CNTNAP2: variants seen among roughly 807,000 people sequenced by gnomAD.
CNTNAP2 encodes the protein contactin associated protein 2, also known as contactin-associated protein-like 2.
In CNTNAP2, 98 loss-of-function variants were observed where a neutral mutation model predicts 155.2. The observed-to-expected ratio is 0.63, with a 90% CI of 0.54 to 0.75. The LOEUF (loss-of-function observed/expected upper bound fraction) is 0.75. Among genes scored for constraint, CNTNAP2 ranks in the 30% least tolerant of loss-of-function variants. CNTNAP2 has a pLI of 0.00. For missense variants in CNTNAP2, 1,727 were observed against 1,688.1 expected (o/e 1.02, Z -0.40); for synonymous variants, 651 against 631.2 (o/e 1.03, Z -0.47).
At chr7:146,331,838 G>C (rs554076127) in intron 1 of CNTNAP2, among the ~76,000 whole-genome samples, 1 of 152,280 alleles carries the variant, frequency 6.6e-6, no homozygotes, top group Admixed American at 6.5e-5. Context: ...TAATGTTAAT[G>C]CAGTAGAATA....
At chr7:146,834,019 A>AT (rs1423969425) in intron 2 of CNTNAP2, among the ~76,000 whole-genome samples, 9 of 151,946 alleles carry the variant, frequency 5.9e-5, no homozygotes, top group African/African-American at 1.9e-4. Context: ...TTTTCAATTT[A>AT]TTTTTTTCAG....
intron 17 of CNTNAP2, among the ~76,000 whole-genome samples, chr7:148,161,740 C>T (rs1350867866): frequency 6.6e-6 from 1 of 152,184 alleles, no homozygotes; most frequent in African/African-American, 2.4e-5. Context: ...AATCCAATAG[C>T]CTGTTACTGT....
rs945841792 is a variant in CNTNAP2 at position 146,205,785 on chromosome 7, A to T, written c.97+88812A>T. Among the ~76,000 whole-genome samples the T allele has an allele frequency of 9.2e-5, 14 of 152,016 alleles. No individual in the cohort carries two copies. In the South Asian group the frequency reaches 1.7e-3, roughly 18 times the overall value. ...AATGTTTCAAGAGACTTGCTATTTT[A>T]TATTTAATATGAGTGAAAATATGTT... is the stretch of plus-strand genomic sequence containing the variant. On this transcript the variant is annotated intron_variant, in intron 1 of 23. Transcript: ENST00000361727.
intron 21 of CNTNAP2, among the ~76,000 whole-genome samples, chr7:148,325,343 G>A (rs529512460): frequency 1.3e-5 from 2 of 152,108 alleles, no homozygotes; most frequent in African/African-American, 4.8e-5. Context: ...ACCTTCAGAT[G>A]GAAAAGCATA....
At chr7:146,243,647 A>G (rs1799598576) in intron 1 of CNTNAP2, among the ~76,000 whole-genome samples, 1 of 152,116 alleles carries the variant, frequency 6.6e-6, no homozygotes, top group African/African-American at 2.4e-5. Flanking sequence ...TGTGGGTTCG[A>G]ATTTGAACTT....
At chr7:147,496,876 T>A (rs917180636) in intron 11 of CNTNAP2, 2 of 151,428 alleles carry the variant, frequency 1.3e-5, no homozygotes, top group Non-Finnish European at 2.9e-5. Context: ...TTTTGCTTTT[T>A]CTTCCTCCTT....
chr7:146,331,753 A>G (rs1416494092), intron 1 of CNTNAP2, among the ~76,000 whole-genome samples: 1 of 152,026 alleles, frequency 6.6e-6, no homozygotes, highest in Non-Finnish European at 1.5e-5. Context: ...TAGAAATTGG[A>G]CTCTACTTGT....
intron 22 of CNTNAP2, among the ~76,000 whole-genome samples, chr7:148,384,241 A>G (rs1637840): frequency 0.72 from 109,970 of 152,084 alleles, 40,802 homozygotes; most frequent in Admixed American, 0.81. Context: ...CTGTAACATA[A>G]TCTGTGTTTT....
At chr7:147,637,901 C>T (rs1256384755) in intron 12 of CNTNAP2, among the ~76,000 whole-genome samples, 3 of 152,218 alleles carry the variant, frequency 2.0e-5, no homozygotes, top group East Asian at 3.9e-4. Context: ...CTAATCCCAC[C>T]ATTTAGTCTT....
chr7:147,124,290 T>A (rs1388209807), intron 6 of CNTNAP2, among the ~76,000 whole-genome samples: 2 of 152,194 alleles, frequency 1.3e-5, no homozygotes, highest in African/African-American at 4.8e-5. Flanking sequence ...GAAGATGCAA[T>A]GTCCTGCTTC....
intron 2 of CNTNAP2, among the ~76,000 whole-genome samples, chr7:146,817,278 C>G (rs1049807126): frequency 2.0e-5 from 3 of 151,942 alleles, no homozygotes; most frequent in African/African-American, 7.3e-5. Flanking sequence ...TCAAGACCAG[C>G]CTGGCTAACA....
At chr7:147,675,320 A>G (rs62480746) in intron 13 of CNTNAP2, among the ~76,000 whole-genome samples, 33,735 of 151,992 alleles carry the variant, frequency 0.22, 4,472 homozygotes, top group East Asian at 0.46. Flanking sequence ...TAACTTAAAC[A>G]TATCTGCAAA....
intron 21 of CNTNAP2, among the ~76,000 whole-genome samples, chr7:148,342,324 C>T (rs1798251176): frequency 6.6e-6 from 1 of 152,020 alleles, no homozygotes; most frequent in Non-Finnish European, 1.5e-5. Flanking sequence ...CTGTATAGTC[C>T]AAGGTATTGA....
intron 13 of CNTNAP2, chr7:147,849,911 C>G (rs950327898): frequency 2.0e-5 from 3 of 152,216 alleles, no homozygotes; most frequent in African/African-American, 7.2e-5. Context: ...CCCGAATATG[C>G]CTGATCTCAG....
chr7:146,521,767 C>T (rs1187218329), intron 1 of CNTNAP2, among the ~76,000 whole-genome samples: 2 of 151,928 alleles, frequency 1.3e-5, no homozygotes, highest in Non-Finnish European at 2.9e-5. Context: ...TAAAGCAGAC[C>T]TCTTAAATAG....
rs76193948 is a variant in CNTNAP2 at position 146,691,263 on chromosome 7, A to T, written c.98-83008A>T. ...TTTTCTCTAAGCAATATGTTCAATGAGAAAAACATGTAAAGATGCTCCTCG... is the reference window on the plus strand; with the variant it reads ...TTTTCTCTAAGCAATATGTTCAATGTGAAAAACATGTAAAGATGCTCCTCG... On this transcript the variant is annotated intron_variant, in intron 1 of 23. Coordinates refer to ENST00000361727, the MANE Select transcript of CNTNAP2 (RefSeq NM_014141.6). Among the ~76,000 whole-genome samples, 467 of 151,828 alleles carry T rather than the reference A, an allele frequency of 3.1e-3. 16 individuals carry two copies. The East Asian group carries it at 0.081, about 26-fold the overall frequency.
At chr7:147,487,058 A>G (rs549157138) in intron 11 of CNTNAP2, among the ~76,000 whole-genome samples, 1 of 152,298 alleles carries the variant, frequency 6.6e-6, no homozygotes, top group African/African-American at 2.4e-5. Flanking sequence ...AAACTATCTC[A>G]GAGTAGAGCC....
intron 3 of CNTNAP2, among the ~76,000 whole-genome samples, chr7:146,890,147 C>A (rs976592926): frequency 2.6e-5 from 4 of 152,142 alleles, no homozygotes; most frequent in African/African-American, 9.7e-5. Flanking sequence ...TCCCAAGGTC[C>A]TTCATATTTA....
At chr7:146,940,441 C>A (rs1157517570) in intron 3 of CNTNAP2, among the ~76,000 whole-genome samples, 1 of 152,052 alleles carries the variant, frequency 6.6e-6, no homozygotes, top group Non-Finnish European at 1.5e-5. Flanking sequence ...GATCTGCCTG[C>A]CTCAGCCTCC....
Sources: allele counts gnomAD v4.1 joint callset (sites outside exome capture counted in the v4.1 genomes callset), GRCh38; gene constraint gnomAD v4.1.1; transcripts MANE v1.5; gene names NCBI Gene and HGNC (gene_info 2026-07-23, HGNC 2026-07-21).